IQCH: variants seen among roughly 807,000 people sequenced by gnomAD.
IQCH encodes IQ motif containing H.
IQCH carries 98 observed loss-of-function variants against 117.0 expected under a neutral mutation model. That is an observed-to-expected ratio of 0.84 (90% CI 0.71 to 0.99). The LOEUF is 0.99. Among genes scored for constraint, IQCH ranks in the 50% least tolerant of loss-of-function variants. The pLI, the probability that IQCH is intolerant of heterozygous loss-of-function variation, is 0.00. For missense variants in IQCH, 1,102 were observed against 1,243.8 expected, an observed-to-expected ratio of 0.89 and a Z score of 1.72; for synonymous variants, 412 against 448.2, an observed-to-expected ratio of 0.92 and a Z score of 1.02.
intron 3 of IQCH, among the ~76,000 whole-genome samples, chr15:67,273,348 G>C (rs1440252902): frequency 6.6e-6 from 1 of 152,070 alleles, no homozygotes; most frequent in East Asian, 1.9e-4. Flanking sequence ...GAGATTATAG[G>C]CACGAGCCAC....
intron 3 of IQCH, among the ~76,000 whole-genome samples, chr15:67,277,507 C>T (rs1966171352): frequency 1.3e-5 from 2 of 149,274 alleles, no homozygotes; most frequent in African/African-American, 4.9e-5. Flanking sequence ...TTAATGTTGG[C>T]ATCTGAGAGT....
At chr15:67,442,227 A>G (rs1490691506) in intron 16 of IQCH, among the ~76,000 whole-genome samples, 4 of 151,980 alleles carry the variant, frequency 2.6e-5, no homozygotes, top group Non-Finnish European at 5.9e-5. Context: ...CCTGACCGAC[A>G]TGGAGAAACC....
chr15:67,386,063 A>C lies in IQCH; in HGVS notation c.1456+1044A>C, dbSNP rs1360895394. On this transcript the variant is annotated intron_variant, in intron 11 of 20. Coordinates refer to ENST00000335894, the MANE Select transcript of IQCH (RefSeq NM_001031715.3). This position sits in a 1 kb window ranked among gnomAD's most constrained non-coding sequence, Gnocchi z 5.0. ...GCTTTAATCTATTATCTAGGCACTC[A>C]GATTGTTTTTCAGCATTACAAAAAA... 6.6e-6 allele frequency among the ~76,000 whole-genome samples: 1 copy of C among 152,182 alleles called. No homozygotes were observed. Among genetic ancestry groups the C allele is most frequent in the Non-Finnish European group, 1.5e-5 (1 of 68,030 alleles).
At chr15:67,451,093 G>A (rs1337782247) in intron 16 of IQCH, among the ~76,000 whole-genome samples, 18 of 151,844 alleles carry the variant, frequency 1.2e-4, no homozygotes, top group South Asian at 2.1e-4. Flanking sequence ...TTTTTATTGC[G>A]TCCATTTGAT....
At chr15:67,285,076 A>G (rs1966509250) in intron 4 of IQCH, among the ~76,000 whole-genome samples, 1 of 152,206 alleles carries the variant, frequency 6.6e-6, no homozygotes, top group South Asian at 2.1e-4. Context: ...TCCCACCAAC[A>G]GTGTAAAAGC....
rs1281995762 is a variant in IQCH, at chr15:67,436,914, CTG to C, written c.2505+15338_2505+15339del. ...GCAGCAAGATCTGCCCAAGGGGAGT[CTG>C]AGCTCAGACACGCGTAGCCCCACCC... On this transcript the variant is annotated intron_variant, in intron 16 of 20. Coordinates refer to ENST00000335894, the MANE Select transcript of IQCH (RefSeq NM_001031715.3). This position sits in a 1 kb window ranked among gnomAD's most constrained non-coding sequence, Gnocchi z 5.1. Among the ~76,000 whole-genome samples the C allele has an allele frequency of 6.6e-6, 1 of 152,084 alleles. No individual in the cohort carries two copies. Among genetic ancestry groups the C allele is most frequent in the Admixed American group, 6.5e-5 (1 of 15,268 alleles).
rs999894019 is a variant in IQCH, at chr15:67,390,996, G to A, written c.1632+1990G>A. Among the ~76,000 whole-genome samples the A allele has an allele frequency of 6.6e-6, 1 of 152,176 alleles. No homozygotes were observed. Among genetic ancestry groups the A allele is most frequent in the East Asian group, 1.9e-4 (1 of 5,198 alleles). ...GCTCCTGGATGACCTGTGGCCTTGG[G>A]CAAGCCCCCTTACTTCTCTGGTCCT... is the stretch of plus-strand genomic sequence containing the variant. On this transcript the variant is annotated intron_variant, in intron 12 of 20. Transcript: ENST00000335894. The surrounding 1 kb of genome is among the most constrained non-coding windows in gnomAD (Gnocchi z 5.0).
chr15:67,466,560 T>C lies in IQCH; in HGVS notation c.2676+1263T>C, dbSNP rs2074453609. ...GTCCAGTCTGGATTTGAATAACCTT[T>C]GACTCTTCCCAGGATCTCTGCAGTC... On this transcript the variant is annotated intron_variant, in intron 17 of 20. Coordinates refer to ENST00000335894, the MANE Select transcript of IQCH (RefSeq NM_001031715.3). This position sits in a 1 kb window ranked among gnomAD's most constrained non-coding sequence, Gnocchi z 4.4. 6.6e-6 allele frequency: 1 copy of C among 152,224 alleles called. No individual in the cohort carries two copies. Among genetic ancestry groups the C allele is most frequent in the Non-Finnish European group, 1.5e-5 (1 of 68,070 alleles). 9.4% of individuals were successfully genotyped at this position (152,224 alleles called of 1,614,324 possible). A position where few individuals can be genotyped will look rare whatever the true frequency, so the allele number is the denominator to read the frequency against.
intron 6 of IQCH, among the ~76,000 whole-genome samples, chr15:67,354,819 C>A (rs1253276338): frequency 6.6e-6 from 1 of 152,046 alleles, no homozygotes; most frequent in Non-Finnish European, 1.5e-5. Context: ...TCTACTTTAC[C>A]CTCTTTGGTA....
At position 67,366,632 on chromosome 15, in the gene IQCH, G is replaced by A. The variant is rs572206005; in HGVS notation, c.754-5479G>A. ...TCTCTTCTTTTATATATCTCTGCTC[G>A]ATGAGTTCTGTTTTTGCCTTTTATT... On this transcript the variant is annotated intron_variant, in intron 8 of 20. Coordinates refer to ENST00000335894, the MANE Select transcript of IQCH (RefSeq NM_001031715.3). This position sits in a 1 kb window ranked among gnomAD's most constrained non-coding sequence, Gnocchi z 4.4. Among the ~76,000 whole-genome samples the A allele has an allele frequency of 8.9e-4, 136 of 152,246 alleles. No homozygotes were observed. The highest frequency in any genetic ancestry group is 1.7e-3 in the Non-Finnish European group (116 of 68,022).
rs375468552 is a variant in IQCH at position 67,363,235 on chromosome 15, A to G, written c.753+3350A>G. Among the ~76,000 whole-genome samples, 173 of 133,548 alleles carry G rather than the reference A, an allele frequency of 1.3e-3. 1 individual carries two copies. The highest frequency in any genetic ancestry group is 4.7e-3 in the African/African-American group (169 of 35,846). 87.6% of individuals were successfully genotyped at this position (133,548 alleles called of 152,430 possible). ...TCTTTTTTAAAAAACACAAATCTTGATTTTTTTTTTTTTTTTTTTAGATGG... is the reference window on the plus strand; with the variant it reads ...TCTTTTTTAAAAAACACAAATCTTGGTTTTTTTTTTTTTTTTTTTAGATGG... On this transcript the variant is annotated intron_variant, in intron 8 of 20. Transcript: ENST00000335894.
chr15:67,438,681 A>G (rs1302731305), intron 16 of IQCH, among the ~76,000 whole-genome samples: 1 of 152,236 alleles, frequency 6.6e-6, no homozygotes, highest in Non-Finnish European at 1.5e-5. Flanking sequence ...TCTAACACAT[A>G]AGGACTCACA....
chr15:67,254,958 G>A lies in IQCH; in HGVS notation c.51+11G>A, dbSNP rs1965069525. 1.2e-6 allele frequency: 2 copies of A among 1,611,776 alleles called. No individual in the cohort carries two copies. The highest frequency in any genetic ancestry group is 1.7e-5 in the Admixed American group (1 of 59,878). On this transcript the variant is annotated intron_variant, in intron 1 of 20. Coordinates refer to ENST00000335894, the MANE Select transcript of IQCH (RefSeq NM_001031715.3). ...TCCATCTTAATCCAGGTGGGAAACG[G>A]GCTTCCCCCGGCCCTGCCCTGCCCA...
intron 10 of IQCH, among the ~76,000 whole-genome samples, chr15:67,383,583 A>G (rs893450597): frequency 3.3e-5 from 5 of 152,098 alleles, no homozygotes; most frequent in South Asian, 2.1e-4. Context: ...TACTCTTGCT[A>G]TATGTTATCC....
At chr15:67,278,198 C>T (rs950514219) in intron 3 of IQCH, among the ~76,000 whole-genome samples, 14 of 152,132 alleles carry the variant, frequency 9.2e-5, no homozygotes, top group East Asian at 7.7e-4. Flanking sequence ...TTACAGAGAA[C>T]GGAACGAAGA....
In IQCH at chr15:67,388,409, A is replaced by G. The variant is rs565945102; in HGVS notation, c.1457-422A>G. Among the ~76,000 whole-genome samples, 1 of 152,206 alleles carries G rather than the reference A, an allele frequency of 6.6e-6. No individual in the cohort carries two copies. Among genetic ancestry groups the G allele is most frequent in the Admixed American group, 6.5e-5 (1 of 15,276 alleles). On this transcript the variant is annotated intron_variant, in intron 11 of 20. Coordinates refer to ENST00000335894, the MANE Select transcript of IQCH (RefSeq NM_001031715.3). This position sits in a 1 kb window ranked among gnomAD's most constrained non-coding sequence, Gnocchi z 5.5. ...TGACCCTGTCAAGTCCATACAGAAT[A>G]AGAAATTGCAATTTCATCAGCTTTG...
At chr15:67,335,533 C>CTAGA (rs1363976484) in intron 4 of IQCH, among the ~76,000 whole-genome samples, 2 of 152,154 alleles carry the variant, frequency 1.3e-5, no homozygotes, top group East Asian at 3.9e-4. Context: ...TACATGCCTG[C>CTAGA]TAGAGCACAG....
At chr15:67,313,620 A>G (rs8033819) in intron 4 of IQCH, among the ~76,000 whole-genome samples, 151,345 of 152,260 alleles carry the variant, frequency 0.99, 75,229 homozygotes, top group Middle Eastern at 1. Flanking sequence ...TGAGAGTAAC[A>G]GAGGATGGCT....
At chr15:67,452,831 G>C (rs972222754) in intron 16 of IQCH, among the ~76,000 whole-genome samples, 5 of 152,232 alleles carry the variant, frequency 3.3e-5, no homozygotes, top group African/African-American at 1.2e-4. Context: ...TTCCAACTTG[G>C]TTCCATTCTC....
Sources: gnomAD v4.1 joint callset for allele counts (sites outside exome capture counted in the v4.1 genomes callset) on GRCh38, gnomAD v4.1.1 for gene constraint, Gnocchi (gnomAD v3.1) non-coding constraint, MANE v1.5 for transcripts, NCBI Gene and HGNC (gene_info 2026-07-23, HGNC 2026-07-21) for gene names.